Variants in ASB18 observed in about 807,000 individuals in gnomAD.
ASB18 encodes the protein ankyrin repeat and SOCS box containing 18, also known as ankyrin repeat and SOCS box protein 18.
Under a neutral mutation model 33.4 loss-of-function variants are expected in ASB18, and 33 were observed. The observed-to-expected ratio is 0.99, with a 90% CI of 0.75 to 1.32. The LOEUF is 1.32. Ranked by LOEUF, ASB18 falls within the 40% of genes most tolerant of loss-of-function variation. The pLI is 0.00. For missense variants in ASB18, 694 were observed against 655.5 expected, an observed-to-expected ratio of 1.06 and a Z score of -0.64; for synonymous variants, 295 against 307.6, an observed-to-expected ratio of 0.96 and a Z score of 0.43.
At chr2:236,201,603 G>A (rs2060402996) in intron 4 of ASB18, among the ~76,000 whole-genome samples, 1 of 148,900 alleles carries the variant, frequency 6.7e-6, no homozygotes, top group Admixed American at 6.6e-5. Context: ...TGTAGACAAT[G>A]TCTGTTTTGG....
chr2:236,256,684 A>T lies in ASB18; in HGVS notation c.205+7457T>A, dbSNP rs780091158. On this transcript the variant is annotated intron_variant, in intron 1 of 5. Transcript: ENST00000409749. The surrounding 1 kb of genome is among the most constrained non-coding windows in gnomAD (Gnocchi z 4.7). ...TTATTTCTTTATTAGCCCGTTTCTC[A>T]ATTTTGATTCTGAAAATACCCTGAT... is the stretch of plus-strand genomic sequence containing the variant. Among the ~76,000 whole-genome samples the T allele has an allele frequency of 6.6e-6, 1 of 152,176 alleles. No individual in the cohort carries two copies. The highest frequency in any genetic ancestry group is 1.5e-5 in the Non-Finnish European group (1 of 68,026).
rs2060490049 is a variant in ASB18 at position 236,216,855 on chromosome 2, T to C, written c.597-1989A>G. ...ATCCAGCTCCTGGGGGCTCACCGGG[T>C]TCACCTCCTGAGGCGCCGCCTCTCC... On this transcript the variant is annotated intron_variant, in intron 3 of 5. Transcript: ENST00000409749. This position sits in a 1 kb window ranked among gnomAD's most constrained non-coding sequence, Gnocchi z 6.1. Among the ~76,000 whole-genome samples, 1 of 152,064 alleles carries C rather than the reference T, an allele frequency of 6.6e-6. No individual in the cohort carries two copies. Among genetic ancestry groups the C allele is most frequent in the Non-Finnish European group, 1.5e-5 (1 of 68,020 alleles).
chr2:236,202,814 T>TACACAC lies in ASB18; in HGVS notation c.1102-6435_1102-6430dup, dbSNP rs1553599254. ...AAAAAAATATATATATATATATATATACACACACCTATAGTTCTCTAAAAA... is the reference window on the plus strand; with the variant it reads ...AAAAAAATATATATATATATATATATACACACACACACACCTATAGTTCTCTAAAAA... On this transcript the variant is annotated intron_variant, in intron 4 of 5. Transcript: ENST00000409749. Among the ~76,000 whole-genome samples the TACACAC allele has an allele frequency of 1.5e-3, 183 of 126,070 alleles. 1 individual carries two copies. Among genetic ancestry groups the TACACAC allele is most frequent in the African/African-American group, 5.0e-3 (155 of 30,708 alleles). The allele number at this position is 126,070 out of a possible 152,430, so 82.7% of individuals were successfully genotyped here. A position where few individuals can be genotyped will look rare whatever the true frequency, so the allele number is the denominator to read the frequency against.
At position 236,244,393 on chromosome 2, in the gene ASB18, C is replaced by T. The variant is rs1225454049; in HGVS notation, c.206-2991G>A. ...GCATAAGCCCCCATTTGCTCACAGCCAGTGTTAGACCTGGGGACCCATGGG... is the reference window on the plus strand; with the variant it reads ...GCATAAGCCCCCATTTGCTCACAGCTAGTGTTAGACCTGGGGACCCATGGG... On this transcript the variant is annotated intron_variant, in intron 1 of 5. Transcript: ENST00000409749. This position sits in a 1 kb window ranked among gnomAD's most constrained non-coding sequence, Gnocchi z 6.1. 6.6e-6 allele frequency among the ~76,000 whole-genome samples: 1 copy of T among 152,208 alleles called. No homozygotes were observed. The highest frequency in any genetic ancestry group is 1.5e-5 in the Non-Finnish European group (1 of 68,046).
rs1250945205 is a variant in ASB18, at chr2:236,208,211, G to C, written c.1101+6151C>G. Among the ~76,000 whole-genome samples the C allele has an allele frequency of 6.6e-6, 1 of 152,094 alleles. No homozygotes were observed. Among genetic ancestry groups the C allele is most frequent in the African/African-American group, 2.4e-5 (1 of 41,412 alleles). The stretch of plus-strand genomic sequence containing the variant: ...AACCAAGCCACAGAGGGAGTGCCTG[G>C]CAGGAGGCCTGGGGCCAGCACGGTC... On this transcript the variant is annotated intron_variant, in intron 4 of 5. Transcript: ENST00000409749. This position sits in a 1 kb window ranked among gnomAD's most constrained non-coding sequence, Gnocchi z 7.7.
chr2:236,261,885 A>G (rs1176988605), intron 1 of ASB18, among the ~76,000 whole-genome samples: 1 of 152,122 alleles, frequency 6.6e-6, no homozygotes, highest in African/African-American at 2.4e-5. Flanking sequence ...TTATAAAACC[A>G]TCAGATCTCG....
At chr2:236,199,413 A>G (rs2060388478) in intron 4 of ASB18, among the ~76,000 whole-genome samples, 1 of 93,994 alleles carries the variant, frequency 1.1e-5, no homozygotes, top group East Asian at 2.0e-4. Context: ...CTCTGTTTCA[A>G]AAAAAAAAAA....
chr2:236,218,982 G>A (rs1404607715), intron 3 of ASB18, among the ~76,000 whole-genome samples: 1 of 151,802 alleles, frequency 6.6e-6, no homozygotes, highest in Non-Finnish European at 1.5e-5. Context: ...CAATCCTCCT[G>A]CCTCAGTCTC....
At chr2:236,202,919 C>G (rs2060412425) in intron 4 of ASB18, among the ~76,000 whole-genome samples, 1 of 151,590 alleles carries the variant, frequency 6.6e-6, no homozygotes, top group African/African-American at 2.4e-5. Flanking sequence ...CTTCTCCCTT[C>G]CTTTCTTAAT....
In ASB18 at chr2:236,257,629, G is replaced by A. The variant is rs1026626276; in HGVS notation, c.205+6512C>T. Among the ~76,000 whole-genome samples the A allele has an allele frequency of 2.6e-5, 4 of 152,156 alleles. No individual in the cohort carries two copies. The highest frequency in any genetic ancestry group is 2.1e-4 in the South Asian group (1 of 4,824). ...TTCACTGGGAAGTTTTTTCAGGGAC[G>A]TTCCTGCAAAATGTCTCTGGGTGGG... On this transcript the variant is annotated intron_variant, in intron 1 of 5. Transcript: ENST00000409749. The surrounding 1 kb of genome is among the most constrained non-coding windows in gnomAD (Gnocchi z 5.5).
chr2:236,258,045 T>A (rs2060700703), intron 1 of ASB18, among the ~76,000 whole-genome samples: 1 of 152,186 alleles, frequency 6.6e-6, no homozygotes, highest in Non-Finnish European at 1.5e-5. Flanking sequence ...GACTTATTCT[T>A]CCTAAGCCTT....
At position 236,262,703 on chromosome 2, in the gene ASB18, C is replaced by A. The variant is rs933147694; in HGVS notation, c.205+1438G>T. ...TGATGACAACCTCCCCTAAACCCCCCCCAGGGCAATCTTCTAGAGAGATGG... is the reference window on the plus strand; with the variant it reads ...TGATGACAACCTCCCCTAAACCCCCACCAGGGCAATCTTCTAGAGAGATGG... On this transcript the variant is annotated intron_variant, in intron 1 of 5. Transcript: ENST00000409749. The surrounding 1 kb of genome is among the most constrained non-coding windows in gnomAD (Gnocchi z 5.2). Among the ~76,000 whole-genome samples the A allele has an allele frequency of 9.9e-5, 15 of 152,270 alleles. No homozygotes were observed. In the South Asian group the frequency reaches 2.5e-3, roughly 25 times the overall value.
intron 3 of ASB18, among the ~76,000 whole-genome samples, chr2:236,224,191 T>G (rs1246106247): frequency 6.8e-6 from 1 of 146,468 alleles, no homozygotes; most frequent in African/African-American, 2.5e-5. Flanking sequence ...TCAGGTTTTT[T>G]TTTTTTTTTT....
At position 236,196,195 on chromosome 2, in the gene ASB18, G is replaced by A; in HGVS notation, c.1215+77C>T. Reference sequence around the variant, plus strand: ...GTATAATACTTAGCCGAATATCAGTGCAAAACTCCCCATGCAAAGAAGCAA... The same window carrying A: ...GTATAATACTTAGCCGAATATCAGTACAAAACTCCCCATGCAAAGAAGCAA... On this transcript the variant is annotated intron_variant, in intron 5 of 5. Transcript: ENST00000409749. The surrounding 1 kb of genome is among the most constrained non-coding windows in gnomAD (Gnocchi z 5.6). 1 of 770,136 alleles carries A rather than the reference G, an allele frequency of 1.3e-6. No individual in the cohort carries two copies. Among genetic ancestry groups the A allele is most frequent in the East Asian group, 2.7e-5 (1 of 37,408 alleles). 47.7% of individuals were successfully genotyped at this position (770,136 alleles called of 1,614,324 possible).
Position 236,229,704 on chromosome 2 carries a change from G to T in ASB18, c.596+7985C>A, listed in dbSNP as rs1243474360. Among the ~76,000 whole-genome samples, 1 of 151,962 alleles carries T rather than the reference G, an allele frequency of 6.6e-6. No homozygotes were observed. Among genetic ancestry groups the T allele is most frequent in the East Asian group, 1.9e-4 (1 of 5,164 alleles). ...TAAACATACAAAAATTAGCTGGTGT[G>T]GTGGCATGCACCTGTAATCCCAGCT... On this transcript the variant is annotated intron_variant, in intron 3 of 5. Transcript: ENST00000409749. The surrounding 1 kb of genome is among the most constrained non-coding windows in gnomAD (Gnocchi z 5.2).
At chr2:236,201,195 A>G (rs1388482615) in intron 4 of ASB18, among the ~76,000 whole-genome samples, 1 of 151,124 alleles carries the variant, frequency 6.6e-6, no homozygotes, top group Non-Finnish European at 1.5e-5. Context: ...TCTGTCACCT[A>G]TGCTGCAGTG....
rs1384238166 is a variant in ASB18, at chr2:236,196,242, T to C, written c.1215+30A>G. On this transcript the variant is annotated intron_variant, in intron 5 of 5. Transcript: ENST00000409749. The surrounding 1 kb of genome is among the most constrained non-coding windows in gnomAD (Gnocchi z 5.6). Reference sequence around the variant, plus strand: ...GCAAAAACAGACAAAAGTTTTGTACTAAAGATGGGCAGAAAGGCAGCCCTC... The same window carrying C: ...GCAAAAACAGACAAAAGTTTTGTACCAAAGATGGGCAGAAAGGCAGCCCTC... 7.7e-7 allele frequency: 1 copy of C among 1,291,194 alleles called. No individual in the cohort carries two copies. Among genetic ancestry groups the C allele is most frequent in the South Asian group, 1.3e-5 (1 of 78,920 alleles). 80.0% of individuals were successfully genotyped at this position (1,291,194 alleles called of 1,614,324 possible). A position where few individuals can be genotyped will look rare whatever the true frequency, so the allele number is the denominator to read the frequency against.
intron 1 of ASB18, among the ~76,000 whole-genome samples, chr2:236,242,787 C>G (rs546243638): frequency 2.1e-5 from 3 of 145,316 alleles, no homozygotes; most frequent in Non-Finnish European, 4.5e-5. Flanking sequence ...TTTGGGAGGT[C>G]GAGGTGGGAG....
intron 4 of ASB18, among the ~76,000 whole-genome samples, chr2:236,199,831 T>C (rs945746145): frequency 9.2e-5 from 14 of 152,302 alleles, no homozygotes; most frequent in Admixed American, 8.5e-4. Context: ...TAGACCATTA[T>C]TGGAATCAGG....
Sources: allele counts gnomAD v4.1 joint callset (sites outside exome capture counted in the v4.1 genomes callset), GRCh38; gene constraint gnomAD v4.1.1; non-coding constraint Gnocchi (gnomAD v3.1); transcripts MANE v1.5; gene names NCBI Gene and HGNC (gene_info 2026-07-23, HGNC 2026-07-21).